PLCE1: variants seen among roughly 807,000 people sequenced by gnomAD.
PLCE1 encodes 1-phosphatidylinositol 4,5-bisphosphate phosphodiesterase epsilon-1.
PLCE1 carries 119 observed loss-of-function variants against 242.8 expected under a neutral mutation model. The observed-to-expected ratio is 0.49, with a 90% CI of 0.42 to 0.57. The LOEUF (loss-of-function observed/expected upper bound fraction) is 0.57, where lower values mean the gene tolerates loss of function less well. Ranked by LOEUF, PLCE1 falls within the 20% of genes least tolerant of loss-of-function variation. The pLI is 0.00. For missense variants in PLCE1, 2,441 were observed against 2,788.8 expected (o/e 0.88, Z 2.81); for synonymous variants, 945 against 1,017.4 (o/e 0.93, Z 1.35).
chr10:94,235,892 A>T (rs2050305423), intron 6 of PLCE1, 23 bp from the exon 7 acceptor site: 1 of 1,603,262 alleles, frequency 6.2e-7, no homozygotes, highest in East Asian at 2.2e-5. Context: ...TTGCAATAGC[A>T]AATTCTCGAT....
At chr10:94,162,944 GT>G (rs2047666624) in intron 3 of PLCE1, among the ~76,000 whole-genome samples, 1 of 152,132 alleles carries the variant, frequency 6.6e-6, no homozygotes, top group Admixed American at 6.5e-5. Context: ...AGGTTGTTCA[GT>G]TTCCATGTAG....
rs1455248043 is a variant in PLCE1, at chr10:94,324,574, T to C, written c.6720+7T>C. ...GCTAAAGGAGCAGGTGCAGGTAAAG[T>C]TTAAAGTTATTTTGCTCTGTTCTTA... On this transcript the variant is annotated splice_region_variant and intron_variant, in intron 31 of 32. Transcript: ENST00000371380. 12 of 1,602,534 alleles carry C rather than the reference T, an allele frequency of 7.5e-6. No individual in the cohort carries two copies. The highest frequency in any genetic ancestry group is 9.4e-6 in the Non-Finnish European group (11 of 1,169,880).
chr10:94,141,562 G>A (rs537377430), intron 3 of PLCE1, among the ~76,000 whole-genome samples: 12 of 137,202 alleles, frequency 8.7e-5, no homozygotes, highest in African/African-American at 3.7e-4. Context: ...GGAAGGTGAA[G>A]GGAAGGCTAA....
At chr10:94,164,515 G>A (rs999833907) in intron 3 of PLCE1, among the ~76,000 whole-genome samples, 3 of 152,114 alleles carry the variant, frequency 2.0e-5, no homozygotes, top group African/African-American at 7.2e-5. Flanking sequence ...CTGTGCATTG[G>A]TTATTCTAGT....
chr10:94,213,780 T>C (rs764336306), intron 4 of PLCE1, among the ~76,000 whole-genome samples: 15 of 152,216 alleles, frequency 9.9e-5, no homozygotes, highest in Non-Finnish European at 2.1e-4. Flanking sequence ...TGCTACATCT[T>C]GAAGAAGGAG....
intron 1 of PLCE1, among the ~76,000 whole-genome samples, chr10:93,997,071 C>A (rs2060838153): frequency 6.6e-6 from 1 of 152,170 alleles, no homozygotes; most frequent in Non-Finnish European, 1.5e-5. Flanking sequence ...ACATGCCAGG[C>A]ACCACTCCAA....
At chr10:94,226,831 CTTTTTT>C (rs1177112312) in intron 4 of PLCE1, among the ~76,000 whole-genome samples, 2 of 101,818 alleles carry the variant, frequency 2.0e-5, no homozygotes, top group East Asian at 5.3e-4. Context: ...ACCTATAGGT[CTTTTTT>C]TTTTTTTTTT....
At chr10:94,254,393 AAGCATTGC>A in intron 10 of PLCE1, 86 bp downstream of exon 10, 1 of 906,008 alleles carries the variant, frequency 1.1e-6, no homozygotes, top group Non-Finnish European at 1.8e-6. Flanking sequence ...ATTGTGATTT[AAGCATTGC>A]AAACATTTCT....
intron 13 of PLCE1, among the ~76,000 whole-genome samples, chr10:94,260,670 T>C (rs1048695329): frequency 4.6e-5 from 7 of 151,686 alleles, no homozygotes; most frequent in African/African-American, 1.7e-4. Context: ...ATTTTTGTTT[T>C]ATTTTAAAAT....
At chr10:94,038,513 AC>A (rs1430208020) in intron 2 of PLCE1, among the ~76,000 whole-genome samples, 1 of 152,032 alleles carries the variant, frequency 6.6e-6, no homozygotes, top group African/African-American at 2.4e-5. Flanking sequence ...CTTACAAGGA[AC>A]CCCAAACCCT....
intron 24 of PLCE1, 39 bp from the exon 25 acceptor site, chr10:94,304,443 A>G: frequency 1.3e-6 from 2 of 1,589,676 alleles, no homozygotes; most frequent in Non-Finnish European, 1.7e-6. Context: ...GCGACAAAGT[A>G]ACAAGCTATA....
intron 23 of PLCE1, among the ~76,000 whole-genome samples, chr10:94,296,879 T>C (rs1299242806): frequency 1.3e-5 from 2 of 151,958 alleles, no homozygotes; most frequent in Admixed American, 6.6e-5. Context: ...TTTCTTTCTT[T>C]CTTTTTTTTT....
intron 2 of PLCE1, among the ~76,000 whole-genome samples, chr10:94,071,501 T>TTTTTTG (rs918622005): frequency 5.4e-5 from 7 of 129,694 alleles, no homozygotes; most frequent in Admixed American, 2.9e-4. Context: ...TTTCGTTTTT[T>TTTTTTG]TTTTTTTTTT....
intron 1 of PLCE1, among the ~76,000 whole-genome samples, chr10:94,012,091 AG>A: frequency 6.6e-6 from 1 of 152,242 alleles, no homozygotes; most frequent in South Asian, 2.1e-4. Context: ...GCACCGTCCC[AG>A]GGTGAGACTG....
chr10:94,011,457 A>G (rs76367218), intron 1 of PLCE1, among the ~76,000 whole-genome samples: 2,247 of 152,144 alleles, frequency 0.015, 29 homozygotes, highest in Middle Eastern at 0.037. Flanking sequence ...CATCCAAACC[A>G]TCTCACCTCT....
intron 4 of PLCE1, among the ~76,000 whole-genome samples, chr10:94,181,262 A>G (rs1206245949): frequency 6.6e-6 from 1 of 152,110 alleles, no homozygotes; most frequent in Non-Finnish European, 1.5e-5. Context: ...GGTGGGGCCC[A>G]GGCATTTATA....
chr10:94,212,545 C>T (rs1483745408), intron 4 of PLCE1, among the ~76,000 whole-genome samples: 2 of 152,154 alleles, frequency 1.3e-5, no homozygotes, highest in South Asian at 2.1e-4. Flanking sequence ...CATGAGCCAC[C>T]ACGCCCAGCC....
At position 94,324,329 on chromosome 10, in the gene PLCE1, G is replaced by A; in HGVS notation, c.6502-20G>A. ...GGAGATTCTGTGTCTTTATTCAGTTGATCATAACTTACCTTTCAGACCTTA... is the reference window on the plus strand; with the variant it reads ...GGAGATTCTGTGTCTTTATTCAGTTAATCATAACTTACCTTTCAGACCTTA... On this transcript the variant is annotated intron_variant, in intron 30 of 32. Coordinates refer to ENST00000371380, the MANE Select transcript of PLCE1 (RefSeq NM_016341.4). 1 of 1,577,844 alleles carries A rather than the reference G, an allele frequency of 6.3e-7. No individual in the cohort carries two copies. The highest frequency in any genetic ancestry group is 8.7e-7 in the Non-Finnish European group (1 of 1,147,068).
intron 32 of PLCE1, among the ~76,000 whole-genome samples, chr10:94,326,245 TTC>T (rs1364105496): frequency 6.6e-6 from 1 of 152,210 alleles, no homozygotes; most frequent in Non-Finnish European, 1.5e-5. Flanking sequence ...AATGAGGAAC[TTC>T]TGATATAAAA....
Sources: gnomAD v4.1 joint callset for allele counts (sites outside exome capture counted in the v4.1 genomes callset) on GRCh38, gnomAD v4.1.1 for gene constraint, MANE v1.5 for transcripts, NCBI Gene and HGNC (gene_info 2026-07-23, HGNC 2026-07-21) for gene names.